Variants in ARHGEF18 observed in about 807,000 individuals in gnomAD.
ARHGEF18 encodes the protein Rho/Rac guanine nucleotide exchange factor 18.
A neutral mutation model predicts 155.7 loss-of-function variants in ARHGEF18; 93 were observed. The observed-to-expected ratio is 0.60, with a 90% CI of 0.50 to 0.71. The LOEUF is 0.71. ARHGEF18 is among the 30% of genes least tolerant of loss of function. The pLI is 0.00. For missense variants in ARHGEF18, 1,593 were observed against 1,816.1 expected (o/e 0.88, Z 2.23); for synonymous variants, 742 against 753.1 (o/e 0.99, Z 0.24).
In ARHGEF18 at chr19:7,459,972, C is replaced by T; in HGVS notation, c.2430C>T (p.Ala810=). ...EEERKVVEAR[A]TRLRDFQERL... ...AAAGGAAGGTGGTCGAGGCCCGCGCCACGAGACTCCGGGACTTTCAAGGTG... is the reference window on the plus strand; with the variant it reads ...AAAGGAAGGTGGTCGAGGCCCGCGCTACGAGACTCCGGGACTTTCAAGGTG... The change falls in exon 20 of 29, where the codon GCC becomes GCT. Residue 810 remains alanine, a synonymous_variant. Transcript: ENST00000668164. 6.3e-7 allele frequency: 1 copy of T among 1,583,786 alleles called. No individual in the cohort carries two copies. The highest frequency in any genetic ancestry group is 8.6e-7 in the Non-Finnish European group (1 of 1,164,870).
At chr19:7,431,606 G>A (rs868835707) in intron 10 of ARHGEF18, among the ~76,000 whole-genome samples, 4 of 151,112 alleles carry the variant, frequency 2.6e-5, no homozygotes, top group Middle Eastern at 3.5e-3. Flanking sequence ...ACCTGAGGTC[G>A]GGAGTTTGAG....
chr19:7,387,999 C>A (rs1971181184), intron 10 of ARHGEF18, among the ~76,000 whole-genome samples: 1 of 151,928 alleles, frequency 6.6e-6, no homozygotes, highest in Admixed American at 6.6e-5. Flanking sequence ...GTTGAGTTTG[C>A]AGCATTACAA....
At chr19:7,362,013 G>T (rs554262873) in intron 1 of ARHGEF18, among the ~76,000 whole-genome samples, 80 of 44,274 alleles carry the variant, frequency 1.8e-3, no homozygotes, top group South Asian at 3.4e-3. Context: ...AGAAGAAGAA[G>T]AAGGAGAAGG....
At chr19:7,414,813 A>AAG (rs1600356472) in intron 10 of ARHGEF18, among the ~76,000 whole-genome samples, 1 of 150,124 alleles carries the variant, frequency 6.7e-6, no homozygotes, top group East Asian at 2.0e-4. Flanking sequence ...CTCAAAAAAA[A>AAG]AGAAAAAAAC....
In ARHGEF18 at chr19:7,468,858, G is replaced by A. The variant is rs760834621; in HGVS notation, c.3514G>A (p.Gly1172Arg). Residue 1172 changes from glycine (G) to arginine (R), a missense_variant, in exon 27 of 29, where the codon GGG becomes AGG. Physicochemically the swap from Gly to Arg is moderately radical, Grantham distance 125. Transcript: ENST00000668164. ...QPPSHPPSFNGEGLEGPRVSM... is the reference protein window; with the variant it reads ...QPPSHPPSFNREGLEGPRVSM... ...CCCAAGCCACCCTCCCAGCTTCAAC[G>A]GGGAAGGGCTGGAGGGCCCTCGTGT... is the stretch of plus-strand genomic sequence containing the variant. The A allele has an allele frequency of 1.1e-5, 17 of 1,568,002 alleles. No individual in the cohort carries two copies. Among genetic ancestry groups the A allele is most frequent in the Non-Finnish European group, 1.4e-5 (16 of 1,153,700 alleles).
intron 10 of ARHGEF18, among the ~76,000 whole-genome samples, chr19:7,403,574 G>T: frequency 6.9e-6 from 1 of 145,296 alleles, no homozygotes; most frequent in Admixed American, 7.0e-5. Context: ...TTTTGAGACG[G>T]TCTTGCTCTG....
In ARHGEF18 at chr19:7,470,548, A is replaced by G; in HGVS notation, c.*250A>G. On this transcript the variant is annotated 3_prime_UTR_variant, in exon 29 of 29. Coordinates refer to ENST00000668164, the MANE Select transcript of ARHGEF18 (RefSeq NM_001367823.1). The surrounding 1 kb of genome is among the most constrained non-coding windows in gnomAD (Gnocchi z 5.9). The stretch of plus-strand genomic sequence containing the variant: ...TTTTTTTCAAAAAGGAAAGTTTTTA[A>G]TGGAAAGTTGAGCCAGAACTAAACC... The G allele has an allele frequency of 2.5e-6, 1 of 403,074 alleles. No individual in the cohort carries two copies. Among genetic ancestry groups the G allele is most frequent in the Non-Finnish European group, 4.3e-6 (1 of 231,496 alleles). 25.0% of individuals were successfully genotyped at this position (403,074 alleles called of 1,614,324 possible). A position where few individuals can be genotyped will look rare whatever the true frequency, so the allele number is the denominator to read the frequency against.
At chr19:7,364,402 A>AAGGCAGGCAGGC (rs1555698671) in intron 2 of ARHGEF18, among the ~76,000 whole-genome samples, 1 of 129,648 alleles carries the variant, frequency 7.7e-6, no homozygotes, top group African/African-American at 2.7e-5. Context: ...GGAAGGAAGG[A>AAGGCAGGCAGGC]AGGCAGGCTG....
At chr19:7,401,165 T>C (rs1972005141) in intron 10 of ARHGEF18, among the ~76,000 whole-genome samples, 1 of 152,170 alleles carries the variant, frequency 6.6e-6, no homozygotes, top group African/African-American at 2.4e-5. Flanking sequence ...TCAGCATCCT[T>C]GGGCGCTGGA....
At chr19:7,447,437 C>T (rs192907254) in intron 15 of ARHGEF18, among the ~76,000 whole-genome samples, 77 of 151,432 alleles carry the variant, frequency 5.1e-4, no homozygotes, top group South Asian at 2.1e-3. Context: ...TGCAGTGAGC[C>T]GAGATCGTGC....
At chr19:7,403,454 T>A (rs77545091) in intron 10 of ARHGEF18, among the ~76,000 whole-genome samples, 3,475 of 152,276 alleles carry the variant, frequency 0.023, 143 homozygotes, top group African/African-American at 0.077. Context: ...ACAGTATACT[T>A]GATGTATTAA....
chr19:7,375,603 C>A, intron 3 of ARHGEF18, 117 bp from the exon 4 acceptor site: 2 of 1,067,512 alleles, frequency 1.9e-6, no homozygotes, highest in Non-Finnish European at 2.4e-6. Context: ...GCTTGCGCAC[C>A]CTTCCTTGTC....
chr19:7,461,050 G>A (rs1443888004), intron 20 of ARHGEF18, among the ~76,000 whole-genome samples: 2 of 151,504 alleles, frequency 1.3e-5, no homozygotes, highest in Non-Finnish European at 2.9e-5. Flanking sequence ...GCCTCCCAAA[G>A]TGCTGGGATT....
chr19:7,398,267 C>T (rs887890650), intron 10 of ARHGEF18, among the ~76,000 whole-genome samples: 88 of 151,418 alleles, frequency 5.8e-4, no homozygotes, highest in African/African-American at 1.6e-3. Context: ...GGCGGGGTTT[C>T]GCCATGTTGG....
At chr19:7,416,210 T>C (rs1310231680) in intron 10 of ARHGEF18, among the ~76,000 whole-genome samples, 1 of 151,428 alleles carries the variant, frequency 6.6e-6, no homozygotes, top group Non-Finnish European at 1.5e-5. Flanking sequence ...CCAGCCAGCC[T>C]GGGCAACATA....
intron 1 of ARHGEF18, among the ~76,000 whole-genome samples, chr19:7,355,051 A>T: frequency 6.6e-6 from 1 of 151,356 alleles, no homozygotes. Context: ...ATCTGACCTC[A>T]CGGATACCAA....
At chr19:7,413,809 G>A (rs1972837879) in intron 10 of ARHGEF18, among the ~76,000 whole-genome samples, 1 of 152,058 alleles carries the variant, frequency 6.6e-6, no homozygotes, top group Admixed American at 6.6e-5. Flanking sequence ...ATGCTCATCG[G>A]TGGATGGAAG....
intron 6 of ARHGEF18, 85 bp downstream of exon 6, chr19:7,378,536 C>A: frequency 8.9e-7 from 1 of 1,125,160 alleles, no homozygotes; most frequent in Non-Finnish European, 1.1e-6. Flanking sequence ...TGCCAGGGTG[C>A]AGTGTTGCTG....
At chr19:7,428,360 TC>T (rs1206600710) in intron 10 of ARHGEF18, among the ~76,000 whole-genome samples, 2 of 152,100 alleles carry the variant, frequency 1.3e-5, no homozygotes, top group African/African-American at 4.8e-5. Flanking sequence ...TCCTTCACCT[TC>T]CAGCAGAACC....
Sources: allele counts gnomAD v4.1 joint callset (sites outside exome capture counted in the v4.1 genomes callset), GRCh38; gene constraint gnomAD v4.1.1; non-coding constraint Gnocchi (gnomAD v3.1); transcripts MANE v1.5; gene names NCBI Gene and HGNC (gene_info 2026-07-23, HGNC 2026-07-21).